Variants in FSTL5 observed in about 807,000 individuals in gnomAD.
FSTL5 encodes follistatin-related protein 5.
In FSTL5, 62 loss-of-function variants were observed where a neutral mutation model predicts 89.1. The ratio of observed to expected loss-of-function variants is 0.70; its 90% confidence interval spans 0.57 to 0.86. The LOEUF (loss-of-function observed/expected upper bound fraction) is 0.86. Among genes scored for constraint, FSTL5 ranks in the 40% least tolerant of loss-of-function variants. The pLI is 0.00. For missense variants in FSTL5, 1,057 were observed against 1,001.6 expected, an observed-to-expected ratio of 1.06 and a Z score of -0.75; for synonymous variants, 383 against 346.2, an observed-to-expected ratio of 1.11 and a Z score of -1.18.
intron 13 of FSTL5, among the ~76,000 whole-genome samples, chr4:161,474,326 T>C (rs1412856615): frequency 6.6e-6 from 1 of 152,188 alleles, no homozygotes; most frequent in Non-Finnish European, 1.5e-5. Context: ...ATTATTTTCT[T>C]AAATTATGTA....
intron 15 of FSTL5, among the ~76,000 whole-genome samples, chr4:161,406,471 G>A (rs1408850987): frequency 6.6e-6 from 1 of 152,020 alleles, no homozygotes; most frequent in Non-Finnish European, 1.5e-5. Flanking sequence ...ATTTTCTTGA[G>A]AAAAATTTAT....
At chr4:161,877,633 T>C (rs1732489758) in intron 4 of FSTL5, among the ~76,000 whole-genome samples, 1 of 151,046 alleles carries the variant, frequency 6.6e-6, no homozygotes, top group African/African-American at 2.4e-5. Context: ...GAGATCATCC[T>C]GGCTAACACA....
intron 3 of FSTL5, among the ~76,000 whole-genome samples, chr4:161,926,241 A>G (rs961664634): frequency 2.6e-5 from 4 of 151,822 alleles, no homozygotes; most frequent in African/African-American, 9.7e-5. Flanking sequence ...CTGCCTGACT[A>G]AAAGTTTGCC....
At position 161,906,382 on chromosome 4, in the gene FSTL5, C is replaced by T. The variant is rs142414535; in HGVS notation, c.409+14022G>A. Among the ~76,000 whole-genome samples, 717 of 152,184 alleles carry T rather than the reference C, an allele frequency of 4.7e-3. 3 individuals are homozygous for T. Among genetic ancestry groups the T allele is most frequent in the African/African-American group, 0.017 (695 of 41,548 alleles). Reference sequence around the variant, plus strand: ...TATGGTTTTGAAATAGCTAGAGGCTCGCTAAAATTGTTCCAGTTGCTCTAA... The same window carrying T: ...TATGGTTTTGAAATAGCTAGAGGCTTGCTAAAATTGTTCCAGTTGCTCTAA... On this transcript the variant is annotated intron_variant, in intron 4 of 15. Transcript: ENST00000306100.
chr4:161,856,086 A>C (rs1418192314), intron 4 of FSTL5, among the ~76,000 whole-genome samples: 1 of 152,102 alleles, frequency 6.6e-6, no homozygotes, highest in Non-Finnish European at 1.5e-5. Context: ...GCAATATATC[A>C]ATAATAACAA....
intron 1 of FSTL5, among the ~76,000 whole-genome samples, chr4:162,112,775 T>TCTCACACACACACACA (rs1554000431): frequency 7.2e-6 from 1 of 139,328 alleles, no homozygotes; most frequent in Admixed American, 7.2e-5. Context: ...ACCGACACAA[T>TCTCACACACACACACA]CACACACACA....
At chr4:161,738,170 G>GTT (rs1419898198) in intron 6 of FSTL5, among the ~76,000 whole-genome samples, 1 of 151,828 alleles carries the variant, frequency 6.6e-6, no homozygotes. Context: ...AATAAACTAC[G>GTT]TTTTCTGGGC....
chr4:161,792,249 C>T (rs1729502815), intron 4 of FSTL5, among the ~76,000 whole-genome samples: 1 of 152,092 alleles, frequency 6.6e-6, no homozygotes, highest in South Asian at 2.1e-4. Context: ...CTGCCTCAGC[C>T]CCATCTGGGC....
At chr4:161,500,174 T>C in intron 11 of FSTL5, 40 bp from the exon 12 acceptor site, 1 of 1,327,716 alleles carries the variant, frequency 7.5e-7, no homozygotes, top group Non-Finnish European at 1.1e-6. Context: ...AAAATATAAT[T>C]ATCATAAACC....
At chr4:162,124,036 T>C (rs1247780812) in intron 1 of FSTL5, among the ~76,000 whole-genome samples, 1 of 152,136 alleles carries the variant, frequency 6.6e-6, no homozygotes, top group East Asian at 1.9e-4. Context: ...CTAGGTAGAG[T>C]ATTCAGATGA....
intron 5 of FSTL5, among the ~76,000 whole-genome samples, chr4:161,760,406 GGTTT>G (rs1344272219): frequency 6.6e-6 from 1 of 152,082 alleles, no homozygotes; most frequent in Non-Finnish European, 1.5e-5. Flanking sequence ...TTGGTTGGTT[GGTTT>G]GTTTGTTTTA....
intron 3 of FSTL5, among the ~76,000 whole-genome samples, chr4:161,964,727 C>T (rs1735275292): frequency 6.6e-6 from 1 of 151,864 alleles, no homozygotes; most frequent in Admixed American, 6.6e-5. Flanking sequence ...TTAATAGTTT[C>T]CTGTGTTTGC....
At chr4:162,124,661 C>T (rs1015098232) in intron 1 of FSTL5, among the ~76,000 whole-genome samples, 1 of 152,112 alleles carries the variant, frequency 6.6e-6, no homozygotes, top group Non-Finnish European at 1.5e-5. Context: ...GAGACTCTAT[C>T]AAAACATACT....
intron 6 of FSTL5, among the ~76,000 whole-genome samples, chr4:161,739,812 A>G (rs1442635034): frequency 6.6e-6 from 1 of 151,518 alleles, no homozygotes; most frequent in Non-Finnish European, 1.5e-5. Flanking sequence ...AGATGAATAC[A>G]CTTGTTTTTA....
rs376337719 is a variant in FSTL5, at chr4:161,419,544, C to T, written c.1842-33095G>A. On this transcript the variant is annotated intron_variant, in intron 15 of 15. Coordinates refer to ENST00000306100, the MANE Select transcript of FSTL5 (RefSeq NM_020116.5). ...CTGAGGTCTTGTCCTTAGATTTCGA[C>T]TTCCACATTACCTTACAGTTTGCCA... Among the ~76,000 whole-genome samples the T allele has an allele frequency of 2.6e-5, 4 of 152,170 alleles. No individual in the cohort carries two copies. The East Asian group carries it at 7.7e-4, about 29-fold the overall frequency.
At chr4:161,589,244 T>C (rs1733725360) in intron 7 of FSTL5, among the ~76,000 whole-genome samples, 1 of 151,954 alleles carries the variant, frequency 6.6e-6, no homozygotes, top group Admixed American at 6.6e-5. Context: ...CATGACCTCG[T>C]CTCACTGCAA....
intron 3 of FSTL5, among the ~76,000 whole-genome samples, chr4:161,998,107 C>A (rs1210275708): frequency 4.6e-5 from 7 of 152,124 alleles, no homozygotes; most frequent in Non-Finnish European, 1.0e-4. Context: ...TCTGTCTACT[C>A]TTTGCTTTAG....
At chr4:161,939,217 T>C (rs2110918396) in intron 3 of FSTL5, among the ~76,000 whole-genome samples, 1 of 152,064 alleles carries the variant, frequency 6.6e-6, no homozygotes, top group East Asian at 1.9e-4. Context: ...GGAAGATTCA[T>C]TTAAAAAATA....
At chr4:162,065,714 A>C (rs556431855) in intron 2 of FSTL5, among the ~76,000 whole-genome samples, 1 of 152,186 alleles carries the variant, frequency 6.6e-6, no homozygotes, top group South Asian at 2.1e-4. Context: ...TTCTCGGTAC[A>C]TAGCCAAAAT....
Sources: gnomAD v4.1 joint callset for allele counts (sites outside exome capture counted in the v4.1 genomes callset) on GRCh38, gnomAD v4.1.1 for gene constraint, MANE v1.5 for transcripts, NCBI Gene and HGNC (gene_info 2026-07-23, HGNC 2026-07-21) for gene names.